The following C1GALT1 variants were observed in gnomAD, a reference collection of about 807,000 sequenced individuals.
C1GALT1 encodes the protein glycoprotein-N-acetylgalactosamine 3-beta-galactosyltransferase 1.
A neutral mutation model predicts 31.0 loss-of-function variants in C1GALT1; 11 were observed. The ratio of observed to expected loss-of-function variants is 0.36; its 90% CI spans 0.22 to 0.59. The LOEUF is 0.59. Among genes scored for constraint, C1GALT1 ranks in the 20% least tolerant of loss-of-function variants. C1GALT1 has a pLI of 0.79. For missense variants in C1GALT1, 424 were observed against 425.2 expected (o/e 1.00, Z 0.03); for synonymous variants, 175 against 143.6 (o/e 1.22, Z -1.56).
chr7:7,179,877 A>AG (rs5882114), upstream of C1GALT1, among the ~76,000 whole-genome samples: 1 of 150,872 alleles, frequency 6.6e-6, no homozygotes, highest in Admixed American at 6.6e-5. Context: ...AAAAAAAAAA[A>AG]GGGATGGGTG....
chr7:7,163,215 C>T (rs1024114567), intron 2 of C1GALT1, among the ~76,000 whole-genome samples: 5 of 152,158 alleles, frequency 3.3e-5, no homozygotes, highest in Non-Finnish European at 5.9e-5. Context: ...AATGGTAATG[C>T]CTAGCTTTTC....
chr7:7,237,368 C>T (rs1027298217), intron 2 of C1GALT1, among the ~76,000 whole-genome samples: 1 of 152,192 alleles, frequency 6.6e-6, no homozygotes, highest in Non-Finnish European at 1.5e-5. Context: ...GGATGTAAAT[C>T]AGTTTTACGC....
In C1GALT1 at chr7:7,243,636, G is replaced by C; in HGVS notation, c.1001G>C (p.Arg334Thr). 4 of 1,612,320 alleles carry C rather than the reference G, an allele frequency of 2.5e-6. No homozygotes were observed. Among genetic ancestry groups the C allele is most frequent in the Non-Finnish European group, 3.4e-6 (4 of 1,179,232 alleles). ...YHLRPYGYLY[R>T]YQPTLPERIL... ...CTTCGTCCATATGGTTATTTATACA[G>C]ATATCAACCTACCTTACCTGAACGT... Residue 334 changes from arginine (R) to threonine (T), a missense_variant, in exon 4 of 4, where the codon AGA (arginine) becomes ACA (threonine). Arg to Thr is a moderately conservative substitution (Grantham distance 71, BLOSUM62 -1). Around this residue, in one of 3 missense-constraint regions of C1GALT1, gnomAD observed 191 missense variants for 188.8 expected, o/e 1.01. Coordinates refer to ENST00000436587, the MANE Select transcript of C1GALT1 (RefSeq NM_020156.5).
chr7:7,213,171 C>G (rs188673543), intron 1 of C1GALT1, among the ~76,000 whole-genome samples: 164 of 152,240 alleles, frequency 1.1e-3, no homozygotes, highest in Non-Finnish European at 2.0e-3. Flanking sequence ...TTCAGTGTTA[C>G]AATCTTCAAA....
intron 2 of C1GALT1, among the ~76,000 whole-genome samples, chr7:7,158,128 A>G (rs1780293576): frequency 6.6e-6 from 1 of 152,206 alleles, no homozygotes. Flanking sequence ...CAGTAAAATT[A>G]CTATATCCCT....
intron 1 of C1GALT1, among the ~76,000 whole-genome samples, chr7:7,229,308 A>G (rs7455849): frequency 0.045 from 6,852 of 152,220 alleles, 298 homozygotes; most frequent in African/African-American, 0.12. Flanking sequence ...CTGTAAGGCA[A>G]AGTGTTAGTG....
At chr7:7,199,179 T>G (rs1414071029) in intron 1 of C1GALT1, among the ~76,000 whole-genome samples, 1 of 152,236 alleles carries the variant, frequency 6.6e-6, no homozygotes, top group Non-Finnish European at 1.5e-5. Flanking sequence ...CATTTAGTGC[T>G]ATAAATTTCC....
chr7:7,184,796 G>C (rs1780740396), intron 1 of C1GALT1, among the ~76,000 whole-genome samples: 1 of 152,188 alleles, frequency 6.6e-6, no homozygotes, highest in Non-Finnish European at 1.5e-5. Flanking sequence ...TTTTCTTTTA[G>C]AAGATTTCTT....
At chr7:7,164,403 C>A (rs912356886) in intron 2 of C1GALT1, among the ~76,000 whole-genome samples, 1 of 152,104 alleles carries the variant, frequency 6.6e-6, no homozygotes, top group Non-Finnish European at 1.5e-5. Context: ...ACCTATTGAT[C>A]TGAGATACCT....
intron 1 of C1GALT1, among the ~76,000 whole-genome samples, chr7:7,204,308 G>A (rs1781646885): frequency 1.3e-5 from 2 of 151,934 alleles, no homozygotes; most frequent in South Asian, 4.1e-4. Context: ...AGTAAGTTTT[G>A]TGTTTCTCAC....
At chr7:7,176,000 G>A (rs1780503039) in intron 2 of C1GALT1, among the ~76,000 whole-genome samples, 1 of 152,122 alleles carries the variant, frequency 6.6e-6, no homozygotes, top group East Asian at 1.9e-4. Flanking sequence ...CAAACACATA[G>A]AGGTTCCCAG....
chr7:7,195,339 T>C (rs938926421), intron 1 of C1GALT1, among the ~76,000 whole-genome samples: 2 of 152,220 alleles, frequency 1.3e-5, no homozygotes, highest in Admixed American at 6.5e-5. Context: ...AGCACCACTT[T>C]TGCTTTATCC....
At chr7:7,222,503 G>A (rs1235415366) in intron 1 of C1GALT1, among the ~76,000 whole-genome samples, 3 of 152,076 alleles carry the variant, frequency 2.0e-5, no homozygotes, top group Non-Finnish European at 4.4e-5. Flanking sequence ...TTTCATTGAG[G>A]TTTTTATGTT....
At chr7:7,200,830 A>G (rs1275527632) in intron 1 of C1GALT1, among the ~76,000 whole-genome samples, 1 of 152,140 alleles carries the variant, frequency 6.6e-6, no homozygotes, top group African/African-American at 2.4e-5. Context: ...TTCTTGTGCC[A>G]TGGTTTTCAG....
intron 1 of C1GALT1, among the ~76,000 whole-genome samples, chr7:7,197,009 G>A (rs1257146109): frequency 6.6e-6 from 1 of 152,134 alleles, no homozygotes; most frequent in East Asian, 1.9e-4. Context: ...TCACTCTGAT[G>A]GTAGTTTCTT....
chr7:7,236,471 T>C (rs1783357611), intron 2 of C1GALT1, among the ~76,000 whole-genome samples: 1 of 152,182 alleles, frequency 6.6e-6, no homozygotes, highest in Non-Finnish European at 1.5e-5. Flanking sequence ...TTTTGTCTGC[T>C]GTTGTCCTTT....
chr7:7,235,819 T>G (rs572612834), intron 2 of C1GALT1, among the ~76,000 whole-genome samples: 1 of 152,330 alleles, frequency 6.6e-6, no homozygotes. Flanking sequence ...GAAATCATGG[T>G]AGGTGCTTGC....
At chr7:7,158,772 T>C (rs1780301488) in intron 2 of C1GALT1, among the ~76,000 whole-genome samples, 1 of 152,086 alleles carries the variant, frequency 6.6e-6, no homozygotes, top group Non-Finnish European at 1.5e-5. Flanking sequence ...TGTTTGTTCC[T>C]TTTGGATAAT....
chr7:7,200,558 G>T (rs1004689070), intron 1 of C1GALT1, among the ~76,000 whole-genome samples: 1 of 152,112 alleles, frequency 6.6e-6, no homozygotes, highest in African/African-American at 2.4e-5. Flanking sequence ...GCTAGATTGG[G>T]GGGGTTCTCC....
Sources: allele counts gnomAD v4.1 joint callset (sites outside exome capture counted in the v4.1 genomes callset), GRCh38; gene constraint gnomAD v4.1.1; regional missense constraint gnomAD v4.1.1; transcripts MANE v1.5; gene names NCBI Gene and HGNC (gene_info 2026-07-23, HGNC 2026-07-21).